Variants in COL26A1 observed in about 807,000 individuals in gnomAD.
The protein encoded by COL26A1 is collagen alpha-1(XXVI) chain.
COL26A1 carries 41 observed loss-of-function variants against 59.3 expected under a neutral mutation model. The observed-to-expected ratio is 0.69, with a 90% CI of 0.54 to 0.90. The LOEUF (loss-of-function observed/expected upper bound fraction) is 0.90. COL26A1 is among the 40% of genes least tolerant of loss of function. COL26A1 has a pLI of 0.00. For synonymous variants in COL26A1, 266 were observed against 256.0 expected (o/e 1.04, Z -0.37); for missense variants, 612 against 602.3 (o/e 1.02, Z -0.17).
chr7:101,485,535 T>C (rs541586021), intron 3 of COL26A1, among the ~76,000 whole-genome samples: 34 of 152,278 alleles, frequency 2.2e-4, no homozygotes, highest in African/African-American at 7.9e-4. Context: ...CGCTTCCTTC[T>C]CTGTGCCCCC....
chr7:101,556,486 GATGAATGA>G (rs1046782760), intron 12 of COL26A1, among the ~76,000 whole-genome samples: 1 of 152,050 alleles, frequency 6.6e-6, no homozygotes, highest in Non-Finnish European at 1.5e-5. Context: ...TGCATAGATA[GATGAATGA>G]ATGAATGAAT....
rs564118091 is a variant in COL26A1 at position 101,525,371 on chromosome 7, C to T, written c.386-7711C>T. The stretch of plus-strand genomic sequence containing the variant: ...TAATTTTTTGTATTTTTAATAGAAA[C>T]GGGGTTTCACTGTGTTAGCCAGGAT... On this transcript the variant is annotated intron_variant, in intron 3 of 12. Coordinates refer to ENST00000313669, the MANE Select transcript of COL26A1 (RefSeq NM_001278563.3). 1.4e-3 allele frequency among the ~76,000 whole-genome samples: 211 copies of T among 151,118 alleles called. 1 individual carries two copies. The highest frequency in any genetic ancestry group is 4.8e-3 in the African/African-American group (199 of 41,200).
intron 3 of COL26A1, among the ~76,000 whole-genome samples, chr7:101,461,452 C>T (rs546146936): frequency 4.4e-4 from 67 of 152,236 alleles, no homozygotes; most frequent in African/African-American, 1.5e-3. Flanking sequence ...ATGCCCGCCA[C>T]TACACCCGGG....
intron 1 of COL26A1, among the ~76,000 whole-genome samples, chr7:101,394,587 T>TTC (rs1554404843): frequency 2.6e-5 from 3 of 114,176 alleles, no homozygotes; most frequent in Non-Finnish European, 5.4e-5. Context: ...TTTCTTTTCT[T>TTC]TTTTTTTTTT....
intron 3 of COL26A1, among the ~76,000 whole-genome samples, chr7:101,464,784 T>A (rs1011482723): frequency 2.6e-5 from 4 of 152,132 alleles, no homozygotes; most frequent in African/African-American, 9.7e-5. Context: ...TGATCATAGC[T>A]CACTGCAGCC....
At chr7:101,538,317 C>T (rs1795526401) in intron 4 of COL26A1, among the ~76,000 whole-genome samples, 1 of 152,182 alleles carries the variant, frequency 6.6e-6, no homozygotes, top group Non-Finnish European at 1.5e-5. Context: ...GCCAGCTGTC[C>T]CCGCTCTCTG....
chr7:101,550,615 T>A (rs1032377996), intron 9 of COL26A1, among the ~76,000 whole-genome samples: 1 of 152,106 alleles, frequency 6.6e-6, no homozygotes, highest in Non-Finnish European at 1.5e-5. Context: ...CAGGGAGGCA[T>A]TTCCTGAGAA....
At chr7:101,520,820 G>C (rs1006275291) in intron 3 of COL26A1, among the ~76,000 whole-genome samples, 1 of 152,266 alleles carries the variant, frequency 6.6e-6, no homozygotes, top group Non-Finnish European at 1.5e-5. Context: ...GGAAACAGCT[G>C]CTGGGGGCTG....
At chr7:101,461,328 C>T (rs13243993) in intron 3 of COL26A1, among the ~76,000 whole-genome samples, 65,534 of 149,012 alleles carry the variant, frequency 0.44, 15,114 homozygotes, top group Middle Eastern at 0.54. Flanking sequence ...GACGGAGTTT[C>T]GCTGTTGTTG....
intron 1 of COL26A1, among the ~76,000 whole-genome samples, chr7:101,376,315 T>C (rs1584351779): frequency 6.6e-6 from 1 of 151,944 alleles, no homozygotes; most frequent in South Asian, 2.1e-4. Flanking sequence ...TCAAAAAAAG[T>C]CTCAAAAATA....
At chr7:101,456,944 AGTTCGCT>A (rs1793487634) in intron 3 of COL26A1, among the ~76,000 whole-genome samples, 1 of 152,192 alleles carries the variant, frequency 6.6e-6, no homozygotes, top group South Asian at 2.1e-4. Flanking sequence ...AGACAAAACC[AGTTCGCT>A]GAGACCGTGG....
intron 1 of COL26A1, among the ~76,000 whole-genome samples, chr7:101,418,556 C>T (rs916067654): frequency 6.6e-5 from 10 of 152,140 alleles, no homozygotes; most frequent in Admixed American, 2.0e-4. Flanking sequence ...GTAGCCTCAA[C>T]CTCCTGGGCT....
At chr7:101,429,369 T>C (rs1399151351) in intron 2 of COL26A1, among the ~76,000 whole-genome samples, 4 of 152,142 alleles carry the variant, frequency 2.6e-5, no homozygotes, top group Non-Finnish European at 5.9e-5. Context: ...CTAGCACCAT[T>C]TGTTGAAGAC....
chr7:101,533,764 C>T (rs1056588040), intron 4 of COL26A1, among the ~76,000 whole-genome samples: 21 of 151,734 alleles, frequency 1.4e-4, no homozygotes, highest in African/African-American at 4.4e-4. Flanking sequence ...CTCTGGGAGA[C>T]GGTGGTTTTG....
intron 2 of COL26A1, among the ~76,000 whole-genome samples, chr7:101,421,739 A>C (rs1032776018): frequency 4.0e-5 from 6 of 151,742 alleles, no homozygotes; most frequent in African/African-American, 1.5e-4. Flanking sequence ...AGGTTTCTCC[A>C]CTGTTGCATA....
intron 2 of COL26A1, among the ~76,000 whole-genome samples, chr7:101,427,615 C>T (rs976839214): frequency 6.0e-5 from 9 of 151,184 alleles, no homozygotes; most frequent in Non-Finnish European, 1.2e-4. Context: ...TAACCAAGAT[C>T]GTGCCACTGC....
intron 11 of COL26A1, among the ~76,000 whole-genome samples, chr7:101,555,031 C>G (rs1382637898): frequency 6.6e-6 from 1 of 152,186 alleles, no homozygotes; most frequent in East Asian, 1.9e-4. Flanking sequence ...TCATGTTACA[C>G]CAGCAAAAGG....
At chr7:101,415,693 C>T (rs555179679) in intron 1 of COL26A1, among the ~76,000 whole-genome samples, 31 of 152,132 alleles carry the variant, frequency 2.0e-4, no homozygotes, top group African/African-American at 3.6e-4. Flanking sequence ...TGCAGTGGTG[C>T]GATCATAGCT....
At chr7:101,369,186 C>T (rs13228295) in intron 1 of COL26A1, among the ~76,000 whole-genome samples, 87,979 of 151,670 alleles carry the variant, frequency 0.58, 27,088 homozygotes, top group African/African-American at 0.8. Context: ...GTGGGTGGAT[C>T]GCTTGAGGTC....
Sources: allele counts gnomAD v4.1 joint callset (sites outside exome capture counted in the v4.1 genomes callset), GRCh38; gene constraint gnomAD v4.1.1; transcripts MANE v1.5; gene names NCBI Gene and HGNC (gene_info 2026-07-23, HGNC 2026-07-21).